TRIOBP: variants seen among roughly 807,000 people sequenced by gnomAD.
TRIOBP encodes TRIO and F-actin-binding protein.
A neutral mutation model predicts 238.8 loss-of-function variants in TRIOBP; 169 were observed. That is an observed-to-expected ratio of 0.71 (90% CI 0.62 to 0.80). The LOEUF is 0.80. Ranked by LOEUF, TRIOBP falls within the 30% of genes least tolerant of loss-of-function variation. The probability of loss-of-function intolerance (pLI) is 0.00; values close to 1 mark genes in which losing one functional copy is unlikely to be tolerated. For synonymous variants in TRIOBP, 1,150 were observed against 1,274.4 expected, an observed-to-expected ratio of 0.90 and a Z score of 2.08; for missense variants, 2,838 against 3,122.6, an observed-to-expected ratio of 0.91 and a Z score of 2.17.
chr22:37,701,494 C>T lies in TRIOBP; in HGVS notation c.114+15C>T, dbSNP rs927364025. 1.3e-6 allele frequency: 2 copies of T among 1,591,344 alleles called. No individual in the cohort carries two copies. The highest frequency in any genetic ancestry group is 1.7e-4 in the Middle Eastern group (1 of 6,026). On this transcript the variant is annotated intron_variant, in intron 3 of 23. Transcript: ENST00000644935. ...CAAGATACCAGGTGGGCCAGTTTTC[C>T]ACGTGGTTGGGGTGGTTTGTGATGG...
At chr22:37,708,286 G>C (rs1449395283) in intron 3 of TRIOBP, among the ~76,000 whole-genome samples, 1 of 151,718 alleles carries the variant, frequency 6.6e-6, no homozygotes, top group African/African-American at 2.4e-5. Flanking sequence ...CAGGCACAGT[G>C]GCTCATGCCT....
intron 11 of TRIOBP, among the ~76,000 whole-genome samples, chr22:37,741,516 G>T (rs549187003): frequency 7.9e-5 from 12 of 152,246 alleles, no homozygotes; most frequent in Non-Finnish European, 1.6e-4. Flanking sequence ...AGGGCAGGCA[G>T]CTGAGACCCG....
At chr22:37,711,932 C>T (rs1361839427) in intron 4 of TRIOBP, among the ~76,000 whole-genome samples, 1 of 152,182 alleles carries the variant, frequency 6.6e-6, no homozygotes, top group Non-Finnish European at 1.5e-5. Flanking sequence ...AGCTCCCTCC[C>T]TCAGCATCTG....
At chr22:37,739,914 C>T (rs1302418909) in intron 10 of TRIOBP, among the ~76,000 whole-genome samples, 3 of 152,252 alleles carry the variant, frequency 2.0e-5, no homozygotes, top group Non-Finnish European at 4.4e-5. Context: ...AATATCTCAA[C>T]CTACCCCCAC....
intron 11 of TRIOBP, 100 bp downstream of exon 11, chr22:37,741,132 G>C (rs1453886591): frequency 6.8e-7 from 1 of 1,472,136 alleles, no homozygotes; most frequent in Non-Finnish European, 9.1e-7. Context: ...AGTGGGGGCT[G>C]AGGAGGAGGC....
Position 37,757,713 on chromosome 22 carries a change from C to T in TRIOBP, c.5788C>T (p.Arg1930Trp), listed in dbSNP as rs142769400. The change falls in exon 16 of 24, where the codon CGG (arginine) becomes TGG (tryptophan). Residue 1930 changes from arginine to tryptophan, a missense_variant. Transcript: ENST00000644935. ...GCGGGCGGGCTCTGAGGTCATCAGC[C>T]GGGGTGGCCCTCGGAAGGCGGACGG... ...EQRAGSEVIS[R>W]GGPRKADGQR... The T allele has an allele frequency of 4.0e-5, 63 of 1,579,562 alleles. No homozygotes were observed. In the African/African-American group the frequency reaches 4.2e-4, roughly 10 times the overall value.
Position 37,734,810 on chromosome 22 carries a change from G to A in TRIOBP, c.4474G>A (p.Glu1492Lys). Residue 1492 changes from glutamate (E) to lysine (K), a missense_variant, in exon 9 of 24, where the codon GAG (glutamate) becomes AAG (lysine). Glu to Lys is a moderately conservative substitution (Grantham distance 56). This residue lies in a region of TRIOBP where 2,096 missense variants were observed against 2,137.4 expected (regional missense o/e 0.98). Coordinates refer to ENST00000644935, the MANE Select transcript of TRIOBP (RefSeq NM_001039141.3). ...REYKESWGQP[E>K]AWEEKPTHEL... ...GTACAAGGAGAGCTGGGGGCAGCCA[G>A]AGGCCTGGGAGGAGAAGCCCACTCA... The A allele has an allele frequency of 6.2e-7, 1 of 1,612,506 alleles. No homozygotes were observed. Among genetic ancestry groups the A allele is most frequent in the Non-Finnish European group, 8.5e-7 (1 of 1,179,862 alleles).
rs763016139 is a variant in TRIOBP, at chr22:37,734,481, G to A, written c.4145G>A (p.Arg1382Lys). The A allele has an allele frequency of 6.2e-7, 1 of 1,612,586 alleles. No individual in the cohort carries two copies. Among genetic ancestry groups the A allele is most frequent in the Non-Finnish European group, 8.5e-7 (1 of 1,179,712 alleles). ...CCTCATCCTTGGAGTCCTGAGAAGA[G>A]ACCTGAGGGAGATCGGCAGCTCCAG... ...EPPHPWSPEKRPEGDRQLQGS... is the reference protein window; with the variant it reads ...EPPHPWSPEKKPEGDRQLQGS... Residue 1382 changes from arginine (R) to lysine (K), a missense_variant, in exon 9 of 24, where the codon AGA becomes AAA. By Grantham distance (26) the Arg-to-Lys change is conservative. This residue lies in a region of TRIOBP where 2,096 missense variants were observed against 2,137.4 expected (regional missense o/e 0.98). Transcript: ENST00000644935.
rs1924152519 is a variant in TRIOBP, at chr22:37,726,244, C to A, written c.3688C>A (p.Pro1230Thr). 6.2e-7 allele frequency: 1 copy of A among 1,610,920 alleles called. No homozygotes were observed. The highest frequency in any genetic ancestry group is 8.5e-7 in the Non-Finnish European group (1 of 1,178,932). The change falls in exon 7 of 24, where the codon CCC (proline) becomes ACC (threonine). Residue 1230 changes from proline to threonine, a missense_variant. Transcript: ENST00000644935. ...GGATGCACCCCGAGCCTCCTCCCCA[C>A]CCCGCCACCCACCCAGTGACCTAGC... ...HRDAPRASSPPRHPPSDLAFL... is the reference protein window; with the variant it reads ...HRDAPRASSPTRHPPSDLAFL...
At chr22:37,749,608 C>T (rs1488512181) in intron 11 of TRIOBP, among the ~76,000 whole-genome samples, 2 of 151,950 alleles carry the variant, frequency 1.3e-5, no homozygotes, top group East Asian at 1.9e-4. Context: ...TTTAGATGAT[C>T]GGACCTTTTG....
intron 3 of TRIOBP, among the ~76,000 whole-genome samples, chr22:37,701,882 C>CT (rs1569030572): frequency 6.6e-6 from 1 of 152,134 alleles, no homozygotes; most frequent in African/African-American, 2.4e-5. Context: ...AATCCCAGCA[C>CT]TTTGGGAGGC....
intron 3 of TRIOBP, among the ~76,000 whole-genome samples, chr22:37,707,260 G>C (rs1156584896): frequency 6.6e-6 from 1 of 151,894 alleles, no homozygotes; most frequent in African/African-American, 2.4e-5. Flanking sequence ...TGGGCGACAA[G>C]AGCGAAAAAC....
intron 2 of TRIOBP, 65 bp from the exon 3 acceptor site, chr22:37,701,241 G>GGGCAACTGT (rs1312530109): frequency 2.7e-6 from 2 of 739,732 alleles, no homozygotes; most frequent in African/African-American, 3.5e-5. Context: ...GGGGCAACTG[G>GGGCAACTGT]GGCTGGGGTT....
chr22:37,746,045 C>T (rs1476213951), intron 11 of TRIOBP, among the ~76,000 whole-genome samples: 2 of 33,862 alleles, frequency 5.9e-5, no homozygotes, highest in African/African-American at 9.1e-5. Context: ...ATCCGCCCAC[C>T]CCGCCGTCCC....
intron 17 of TRIOBP, chr22:37,759,762 C>T (rs1038941512): frequency 1.3e-4 from 178 of 1,404,150 alleles, no homozygotes; most frequent in Middle Eastern, 7.9e-4. Context: ...CGGTTCTCAA[C>T]GGGGTCCATT....
At chr22:37,768,018 C>T in intron 18 of TRIOBP, 56 bp from the exon 19 acceptor site, 4 of 1,428,278 alleles carry the variant, frequency 2.8e-6, no homozygotes, top group Non-Finnish European at 3.9e-6. Flanking sequence ...GCTGGTGGCA[C>T]TTGGTGCTGC....
At chr22:37,749,474 A>G (rs1925462075) in intron 11 of TRIOBP, among the ~76,000 whole-genome samples, 1 of 152,282 alleles carries the variant, frequency 6.6e-6, no homozygotes, top group African/African-American at 2.4e-5. Context: ...CTGGCCAGGT[A>G]GGAGGCGGGG....
At chr22:37,759,740 C>A (rs1052047624) in intron 17 of TRIOBP, 2 of 1,445,250 alleles carry the variant, frequency 1.4e-6, no homozygotes, top group East Asian at 5.1e-5. Context: ...ATGCACCGTC[C>A]GCCTAGGACA....
At position 37,710,430 on chromosome 22, in the gene TRIOBP, C is replaced by T. The variant is rs1555894553; in HGVS notation, c.118C>T (p.Leu40Phe). Reference sequence around the variant, plus strand: ...CCTCTCTCCAACCCTGGCCCAGGAGCTCAGGAGCCCTTCAGGTGCTGAGGT... The same window carrying T: ...CCTCTCTCCAACCCTGGCCCAGGAGTTCAGGAGCCCTTCAGGTGCTGAGGT... ...EEAHGARYQE[L>F]RSPSGAEVPY... Residue 40 changes from leucine (L) to phenylalanine (F), a missense_variant, in exon 4 of 24, where the codon CTC becomes TTC. This residue lies in a region of TRIOBP where 535 missense variants were observed against 537.3 expected (regional missense o/e 1.00). Transcript: ENST00000644935. The T allele has an allele frequency of 6.2e-7, 1 of 1,613,384 alleles. No homozygotes were observed. Among genetic ancestry groups the T allele is most frequent in the Admixed American group, 1.7e-5 (1 of 60,010 alleles).
Sources: gnomAD v4.1 joint callset for allele counts (sites outside exome capture counted in the v4.1 genomes callset) on GRCh38, gnomAD v4.1.1 for gene constraint, gnomAD v4.1.1 regional missense constraint, MANE v1.5 for transcripts, NCBI Gene and HGNC (gene_info 2026-07-23, HGNC 2026-07-21) for gene names.